The following TPRG1 variants were observed in gnomAD, a reference collection of about 807,000 sequenced individuals.
TPRG1 encodes the protein tumor protein p63 regulated 1, also known as tumor protein p63-regulated gene 1 protein.
In TPRG1, 29 loss-of-function variants were observed where a neutral mutation model predicts 29.3. The observed-to-expected ratio is 0.99, with a 90% CI of 0.74 to 1.35. The LOEUF (loss-of-function observed/expected upper bound fraction) is 1.35, where lower values mean the gene tolerates loss of function less well. TPRG1 is among the 40% of genes most tolerant of loss of function. The probability of loss-of-function intolerance (pLI) is 0.00; values close to 1 mark genes in which losing one functional copy is unlikely to be tolerated. For missense variants in TPRG1, 327 were observed against 335.0 expected, an observed-to-expected ratio of 0.98 and a Z score of 0.19; for synonymous variants, 130 against 116.8, an observed-to-expected ratio of 1.11 and a Z score of -0.73.
At chr3:189,182,842 G>T (rs1230396007) in intron 1 of TPRG1, among the ~76,000 whole-genome samples, 1 of 151,914 alleles carries the variant, frequency 6.6e-6, no homozygotes, top group African/African-American at 2.4e-5. Context: ...TATCTTTATG[G>T]TGTACAATGT....
chr3:189,295,698 T>C (rs755180539), intron 4 of TPRG1, among the ~76,000 whole-genome samples: 2 of 152,024 alleles, frequency 1.3e-5, no homozygotes, highest in Non-Finnish European at 2.9e-5. Flanking sequence ...ATTTAAATGA[T>C]TGGAAGTTCT....
upstream of TPRG1, among the ~76,000 whole-genome samples, chr3:189,169,020 G>A (rs1316196866): frequency 6.6e-6 from 1 of 152,114 alleles, no homozygotes; most frequent in Non-Finnish European, 1.5e-5. Context: ...TGATCATCAG[G>A]ATGTCACTCC....
intron 4 of TPRG1, 25 bp from the exon 5 acceptor site, chr3:189,310,361 C>A (rs763366091): frequency 1.3e-6 from 2 of 1,523,552 alleles, no homozygotes. Context: ...AATGACTAAT[C>A]TAATGGAAAA....
At chr3:189,258,928 G>T (rs1712449448) in intron 4 of TPRG1, among the ~76,000 whole-genome samples, 1 of 152,210 alleles carries the variant, frequency 6.6e-6, no homozygotes, top group South Asian at 2.1e-4. Flanking sequence ...GTGGATCTTA[G>T]CTTGCTGGGC....
chr3:189,051,295 C>A (rs1323638222), intron 4 of TPRG1, among the ~76,000 whole-genome samples: 2 of 152,076 alleles, frequency 1.3e-5, no homozygotes, highest in Non-Finnish European at 2.9e-5. Flanking sequence ...CCAACAGCGA[C>A]CAAGCAGAGA....
At chr3:189,079,866 C>T (rs1314728549) in intron 4 of TPRG1, among the ~76,000 whole-genome samples, 2 of 152,188 alleles carry the variant, frequency 1.3e-5, no homozygotes, top group Non-Finnish European at 2.9e-5. Context: ...TCATCTGACT[C>T]GTAACCAAGT....
intron 4 of TPRG1, among the ~76,000 whole-genome samples, chr3:189,301,033 C>G (rs1720741746): frequency 6.6e-6 from 1 of 152,102 alleles, no homozygotes; most frequent in East Asian, 1.9e-4. Context: ...CACGGTGGCT[C>G]ATGCCTGTAA....
intron 4 of TPRG1, among the ~76,000 whole-genome samples, chr3:189,042,210 A>G (rs1004788771): frequency 3.9e-5 from 6 of 152,310 alleles, no homozygotes; most frequent in East Asian, 1.9e-4. Context: ...AAAGAAAGAT[A>G]AACTTTTAGC....
chr3:189,317,621 A>G (rs1723745164), intron 5 of TPRG1, among the ~76,000 whole-genome samples: 1 of 152,234 alleles, frequency 6.6e-6, no homozygotes, highest in South Asian at 2.1e-4. Context: ...TGTGAGTATC[A>G]TAGTTCCAAC....
In TPRG1 at chr3:189,275,897, A is replaced by G. The variant is rs528024188; in HGVS notation, c.480-34489A>G. Among the ~76,000 whole-genome samples, 5 of 152,294 alleles carry G rather than the reference A, an allele frequency of 3.3e-5. No individual in the cohort carries two copies. In the South Asian group the frequency reaches 1.0e-3, roughly 32 times the overall value. Reference sequence around the variant, plus strand: ...ATTCAAAGAAAATAGACAATCTCATACCTCAAAGTCTTCAGTGGGGAAGAG... The same window carrying G: ...ATTCAAAGAAAATAGACAATCTCATGCCTCAAAGTCTTCAGTGGGGAAGAG... On this transcript the variant is annotated intron_variant, in intron 4 of 5. Transcript: ENST00000345063.
At chr3:189,163,835 T>C (rs1727797745) in intron 5 of TPRG1, among the ~76,000 whole-genome samples, 1 of 152,156 alleles carries the variant, frequency 6.6e-6, no homozygotes, top group Admixed American at 6.5e-5. Context: ...TCTACCCTCT[T>C]GGCTCTGCTT....
intron 4 of TPRG1, among the ~76,000 whole-genome samples, chr3:189,090,136 AC>A (rs1718244151): frequency 2.0e-5 from 3 of 152,252 alleles, no homozygotes; most frequent in African/African-American, 7.2e-5. Context: ...GCATTTAAGA[AC>A]ATACGGATTC....
chr3:189,266,000 T>A (rs1415415644), intron 4 of TPRG1, among the ~76,000 whole-genome samples: 2 of 152,130 alleles, frequency 1.3e-5, no homozygotes, highest in African/African-American at 4.8e-5. Context: ...TCCTGCCAAC[T>A]CCCAAAGACC....
chr3:189,058,020 T>C (rs929623321), intron 4 of TPRG1, among the ~76,000 whole-genome samples: 2 of 151,860 alleles, frequency 1.3e-5, no homozygotes, highest in African/African-American at 2.4e-5. Context: ...CATGACAGTA[T>C]GTATATGTCA....
At chr3:189,119,862 T>C (rs1420798871) in intron 1 of TPRG1, among the ~76,000 whole-genome samples, 1 of 152,138 alleles carries the variant, frequency 6.6e-6, no homozygotes, top group Non-Finnish European at 1.5e-5. Flanking sequence ...GAGAACAGAC[T>C]AATACACGCA....
At chr3:189,292,898 A>G (rs9875124) in intron 4 of TPRG1, among the ~76,000 whole-genome samples, 86,335 of 151,882 alleles carry the variant, frequency 0.57, 25,268 homozygotes, top group African/African-American at 0.68. Context: ...CCTTGGAGGT[A>G]AGGGGATGGA....
chr3:189,208,188 G>A (rs719405), intron 2 of TPRG1, among the ~76,000 whole-genome samples: 17,639 of 152,198 alleles, frequency 0.12, 3,038 homozygotes, highest in African/African-American at 0.37. Context: ...TAAAAAAGCA[G>A]TATTTTTAAC....
chr3:189,014,911 G>A (rs997473969), intron 3 of TPRG1, among the ~76,000 whole-genome samples: 7 of 152,086 alleles, frequency 4.6e-5, no homozygotes, highest in African/African-American at 1.4e-4. Context: ...ACAGAAAATT[G>A]GTACCAGGAT....
chr3:189,113,716 A>T (rs867457851), intron 1 of TPRG1, among the ~76,000 whole-genome samples: 2 of 151,826 alleles, frequency 1.3e-5, no homozygotes, highest in African/African-American at 4.8e-5. Context: ...GGAATTGAAC[A>T]ATGAGAACAC....
Sources: allele counts gnomAD v4.1 joint callset (sites outside exome capture counted in the v4.1 genomes callset), GRCh38; gene constraint gnomAD v4.1.1; transcripts MANE v1.5; gene names NCBI Gene and HGNC (gene_info 2026-07-23, HGNC 2026-07-21).